Variants in ZCCHC4 observed in about 807,000 individuals in gnomAD.
The protein encoded by ZCCHC4 is rRNA N(6)-adenosine-methyltransferase ZCCHC4.
ZCCHC4 carries 54 observed loss-of-function variants against 67.7 expected under a neutral mutation model. The observed-to-expected ratio is 0.80, with a 90% CI of 0.64 to 1.00. The LOEUF is 1.00. Among genes scored for constraint, ZCCHC4 ranks in the 50% least tolerant of loss-of-function variants. The pLI is 0.00. For missense variants in ZCCHC4, 609 were observed against 617.0 expected (o/e 0.99, Z 0.14); for synonymous variants, 198 against 213.5 (o/e 0.93, Z 0.63).
At chr4:25,327,006 C>CT (rs369296128) in intron 3 of ZCCHC4, among the ~76,000 whole-genome samples, 32 of 152,234 alleles carry the variant, frequency 2.1e-4, no homozygotes, top group African/African-American at 7.0e-4. Context: ...TTGCTAGACT[C>CT]TAACAATACA....
chr4:25,324,967 G>C (rs1043146458), intron 3 of ZCCHC4, among the ~76,000 whole-genome samples: 9 of 152,134 alleles, frequency 5.9e-5, no homozygotes, highest in African/African-American at 2.2e-4. Context: ...TTTTCGGCCG[G>C]GCGCGGTGGC....
chr4:25,350,371 C>T (rs932159698), intron 7 of ZCCHC4, among the ~76,000 whole-genome samples: 2 of 142,536 alleles, frequency 1.4e-5, no homozygotes, highest in Non-Finnish European at 3.0e-5. Context: ...AGCGATTCTT[C>T]TGCCTTAGCC....
intron 3 of ZCCHC4, among the ~76,000 whole-genome samples, chr4:25,323,013 C>T (rs2109053457): frequency 6.6e-6 from 1 of 152,308 alleles, no homozygotes; most frequent in Non-Finnish European, 1.5e-5. Flanking sequence ...TAATTCTTTG[C>T]ATCACATCAA....
At chr4:25,363,194 C>G (rs1352921822) in intron 10 of ZCCHC4, among the ~76,000 whole-genome samples, 1 of 152,208 alleles carries the variant, frequency 6.6e-6, no homozygotes, top group East Asian at 1.9e-4. Context: ...TGAAGGGTGT[C>G]TCTGGCTACT....
intron 3 of ZCCHC4, among the ~76,000 whole-genome samples, chr4:25,323,956 G>A (rs797008932): frequency 6.0e-5 from 9 of 149,284 alleles, no homozygotes; most frequent in African/African-American, 2.0e-4. Flanking sequence ...CTATAGATTA[G>A]TCGGCATTTT....
chr4:25,366,171 T>A, intron 12 of ZCCHC4: 1 of 983,420 alleles, frequency 1.0e-6, no homozygotes, highest in Non-Finnish European at 1.2e-6. Context: ...TTTTTTTCCA[T>A]TGTGGTCTAG....
At chr4:25,332,414 ATAT>A (rs1719230551) in intron 3 of ZCCHC4, among the ~76,000 whole-genome samples, 1 of 151,494 alleles carries the variant, frequency 6.6e-6, no homozygotes. Flanking sequence ...TTCCTCAATC[ATAT>A]TATTTATTTT....
intron 5 of ZCCHC4, among the ~76,000 whole-genome samples, chr4:25,344,736 TTCTC>T (rs1390537354): frequency 4.6e-5 from 7 of 151,830 alleles, no homozygotes; most frequent in African/African-American, 1.2e-4. Context: ...TGCATATACT[TTCTC>T]TATTATATTG....
intron 3 of ZCCHC4, among the ~76,000 whole-genome samples, chr4:25,323,755 T>C (rs984185021): frequency 6.6e-6 from 1 of 152,196 alleles, no homozygotes; most frequent in Non-Finnish European, 1.5e-5. Flanking sequence ...TATGATACTT[T>C]ACATATCATA....
At chr4:25,344,277 A>G (rs936891922) in intron 5 of ZCCHC4, among the ~76,000 whole-genome samples, 2 of 152,076 alleles carry the variant, frequency 1.3e-5, no homozygotes, top group African/African-American at 4.8e-5. Flanking sequence ...ATGGAATACT[A>G]TGCAGCCATA....
intron 3 of ZCCHC4, among the ~76,000 whole-genome samples, chr4:25,320,844 A>G (rs1480902011): frequency 6.6e-6 from 1 of 152,266 alleles, no homozygotes; most frequent in Non-Finnish European, 1.5e-5. Context: ...ACAAAGATGT[A>G]TCATGTAAGT....
At chr4:25,344,946 G>A (rs1423085608) in intron 5 of ZCCHC4, among the ~76,000 whole-genome samples, 21 of 151,934 alleles carry the variant, frequency 1.4e-4, no homozygotes, top group Admixed American at 1.4e-3. Context: ...GGGACCGTAG[G>A]CATGCATCAC....
At position 25,349,631 on chromosome 4, in the gene ZCCHC4, G is replaced by A. The variant is rs1720192895; in HGVS notation, c.899G>A (p.Gly300Asp). The A allele has an allele frequency of 1.2e-6, 2 of 1,613,756 alleles. No individual in the cohort carries two copies. The change falls in exon 7 of 13, where the codon GGT becomes GAT. Residue 300 changes from glycine (G) to aspartate (D), a missense_variant. Gly to Asp is a moderately conservative substitution (Grantham distance 94). Coordinates refer to ENST00000302874, the MANE Select transcript of ZCCHC4 (RefSeq NM_024936.3). ...AAGTTAATTGCTATGTGGAAAGAAG[G>A]TCAAAGCCAAGGTGTATAATTTATT... ...FKKLIAMWKE[G>D]QSQDDSHKEL...
rs749110192 is a variant in ZCCHC4 at position 25,333,965 on chromosome 4, C to G, written c.663C>G (p.Ser221Arg). Residue 221 changes from serine to arginine, a missense_variant, in exon 5 of 13, where the codon AGC (serine) becomes AGG (arginine). Ser to Arg is a moderately radical substitution (Grantham distance 110). Transcript: ENST00000302874. ...ASGDKKSNIKSLLLDIDFRYS... is the reference protein window; with the variant it reads ...ASGDKKSNIKRLLLDIDFRYS... The stretch of plus-strand genomic sequence containing the variant: ...GTGACAAGAAGTCTAACATTAAAAG[C>G]CTTTTATTGGATATTGATTTTCGGT... The G allele has an allele frequency of 1.2e-6, 2 of 1,603,714 alleles. No homozygotes were observed. The highest frequency in any genetic ancestry group is 3.5e-5 in the Admixed American group (2 of 56,566).
rs78676804 is a variant in ZCCHC4, at chr4:25,348,686, G to A, written c.760-806G>A. The stretch of plus-strand genomic sequence containing the variant: ...CAATACTACAACATTTTATATCAGG[G>A]ACTCTAGCACCTGCAGATTTTGGTA... On this transcript the variant is annotated intron_variant, in intron 6 of 12. Transcript: ENST00000302874. Among the ~76,000 whole-genome samples, 1,032 of 152,206 alleles carry A rather than the reference G, an allele frequency of 6.8e-3. 10 individuals are homozygous for A. The highest frequency in any genetic ancestry group is 0.023 in the African/African-American group (969 of 41,516).
At chr4:25,339,388 A>G (rs1455735398) in intron 5 of ZCCHC4, among the ~76,000 whole-genome samples, 1 of 152,204 alleles carries the variant, frequency 6.6e-6, no homozygotes, top group Non-Finnish European at 1.5e-5. Flanking sequence ...TGGCTGCATC[A>G]TATTTTATTC....
intron 3 of ZCCHC4, among the ~76,000 whole-genome samples, chr4:25,330,909 G>A (rs1306990585): frequency 6.6e-5 from 10 of 152,102 alleles, no homozygotes; most frequent in Non-Finnish European, 1.2e-4. Context: ...GTACTCAGCC[G>A]AAGACTCGAG....
rs182494886 is a variant in ZCCHC4 at position 25,354,791 on chromosome 4, C to G, written c.1011+3102C>G. Among the ~76,000 whole-genome samples, 304 of 152,092 alleles carry G rather than the reference C, an allele frequency of 2.0e-3. 1 individual carries two copies. The Middle Eastern group carries it at 0.027, about 14-fold the overall frequency. ...GAGATTACAGGTGTGAGCCACCATG[C>G]CTGGCCTAACTTCATTTTGTGGTAC... On this transcript the variant is annotated intron_variant, in intron 8 of 12. Transcript: ENST00000302874.
chr4:25,352,297 C>G, intron 8 of ZCCHC4: 2 of 985,454 alleles, frequency 2.0e-6, no homozygotes, highest in Non-Finnish European at 2.4e-6. Context: ...GCAGCTCCAC[C>G]TGGTCTTTTA....
Sources: gnomAD v4.1 joint callset for allele counts (sites outside exome capture counted in the v4.1 genomes callset) on GRCh38, gnomAD v4.1.1 for gene constraint, MANE v1.5 for transcripts, NCBI Gene and HGNC (gene_info 2026-07-23, HGNC 2026-07-21) for gene names.